Variants in CSMD3 observed in about 807,000 individuals in gnomAD.
The protein encoded by CSMD3 is CUB and Sushi multiple domains 3, also known as CUB and sushi domain-containing protein 3.
Under a neutral mutation model 435.2 loss-of-function variants are expected in CSMD3, and 177 were observed. The ratio of observed to expected loss-of-function variants is 0.41; its 90% CI spans 0.36 to 0.46. CSMD3 has a LOEUF of 0.46. Among genes scored for constraint, CSMD3 ranks in the 20% least tolerant of loss-of-function variants. The pLI is 0.34. For synonymous variants in CSMD3, 1,656 were observed against 1,520.5 expected, an observed-to-expected ratio of 1.09 and a Z score of -2.07; for missense variants, 4,265 against 4,504.6, an observed-to-expected ratio of 0.95 and a Z score of 1.52.
intron 38 of CSMD3, among the ~76,000 whole-genome samples, chr8:112,364,358 T>G (rs59994716): frequency 0.18 from 27,782 of 151,838 alleles, 3,059 homozygotes; most frequent in Middle Eastern, 0.35. Context: ...TATGGTAACA[T>G]GTACCTTTGC....
intron 7 of CSMD3, among the ~76,000 whole-genome samples, chr8:112,974,268 C>T (rs987265281): frequency 2.0e-5 from 3 of 151,636 alleles, no homozygotes; most frequent in Non-Finnish European, 4.4e-5. Flanking sequence ...ATTATTGTTC[C>T]AAGTTACATA....
intron 23 of CSMD3, among the ~76,000 whole-genome samples, chr8:112,577,436 A>G (rs1209000156): frequency 1.3e-5 from 2 of 151,868 alleles, no homozygotes; most frequent in African/African-American, 4.8e-5. Context: ...TTTATTTGAG[A>G]CTCTTAGTGC....
intron 1 of CSMD3, among the ~76,000 whole-genome samples, chr8:113,432,194 T>A (rs1188132620): frequency 6.6e-6 from 1 of 152,098 alleles, no homozygotes; most frequent in East Asian, 1.9e-4. Flanking sequence ...AAAAGGACAT[T>A]TCAGAGCGCT....
At chr8:113,208,007 C>A (rs2092790715) in intron 3 of CSMD3, among the ~76,000 whole-genome samples, 1 of 152,026 alleles carries the variant, frequency 6.6e-6, no homozygotes, top group Admixed American at 6.6e-5. Context: ...ATTTTAGAGG[C>A]CGATGGTAGA....
intron 5 of CSMD3, among the ~76,000 whole-genome samples, chr8:113,064,841 C>T (rs866457532): frequency 2.0e-5 from 3 of 152,126 alleles, no homozygotes; most frequent in South Asian, 4.1e-4. Context: ...GCCATTCTGT[C>T]TCTGAAAATA....
chr8:113,194,105 A>AT (rs2092622318), intron 3 of CSMD3, among the ~76,000 whole-genome samples: 1 of 151,382 alleles, frequency 6.6e-6, no homozygotes, highest in East Asian at 1.9e-4. Flanking sequence ...CTATACCAAA[A>AT]TATAACATTA....
intron 22 of CSMD3, among the ~76,000 whole-genome samples, chr8:112,629,066 G>GTAT (rs1374648644): frequency 6.6e-6 from 1 of 152,162 alleles, no homozygotes; most frequent in African/African-American, 2.4e-5. Context: ...AACTATTACA[G>GTAT]TAATAAGGTA....
intron 1 of CSMD3, among the ~76,000 whole-genome samples, chr8:113,390,873 T>C (rs1327726704): frequency 6.6e-6 from 1 of 151,970 alleles, no homozygotes; most frequent in Non-Finnish European, 1.5e-5. Flanking sequence ...TTTCAGACCC[T>C]ACATCTTGAA....
intron 1 of CSMD3, among the ~76,000 whole-genome samples, chr8:113,402,594 T>G (rs1164988981): frequency 1.3e-5 from 2 of 151,290 alleles, no homozygotes; most frequent in Non-Finnish European, 3.0e-5. Context: ...TCTGGCCTAA[T>G]CTTATTTAAT....
chr8:113,031,079 A>G (rs2087089469), intron 5 of CSMD3, among the ~76,000 whole-genome samples: 1 of 151,630 alleles, frequency 6.6e-6, no homozygotes, highest in African/African-American at 2.4e-5. Flanking sequence ...CTGGAGAAGA[A>G]TATCAGTCTT....
chr8:112,389,023 T>C (rs1459968064), intron 36 of CSMD3, among the ~76,000 whole-genome samples: 6 of 151,884 alleles, frequency 4.0e-5, no homozygotes, highest in Non-Finnish European at 2.9e-5. Context: ...GAGAAAAAAA[T>C]AGTCTATTAG....
chr8:113,377,864 GA>G (rs1408053813), intron 1 of CSMD3, among the ~76,000 whole-genome samples: 1 of 152,070 alleles, frequency 6.6e-6, no homozygotes, highest in Admixed American at 6.6e-5. Flanking sequence ...GCACCTGGAT[GA>G]AAAAATATTA....
chr8:113,327,079 A>C (rs192840363), intron 1 of CSMD3, among the ~76,000 whole-genome samples: 40 of 152,296 alleles, frequency 2.6e-4, no homozygotes, highest in African/African-American at 8.7e-4. Context: ...GCCACCCAAG[A>C]GCTTATATAA....
intron 10 of CSMD3, among the ~76,000 whole-genome samples, chr8:112,918,607 T>G (rs1314687942): frequency 6.6e-6 from 1 of 151,916 alleles, no homozygotes; most frequent in Non-Finnish European, 1.5e-5. Context: ...CTCCAGCTTT[T>G]GGATATCTAC....
intron 32 of CSMD3, among the ~76,000 whole-genome samples, chr8:112,427,758 AAG>A (rs1395528258): frequency 6.6e-6 from 1 of 152,144 alleles, no homozygotes; most frequent in Non-Finnish European, 1.5e-5. Context: ...TCATACATAG[AAG>A]CATTCAGGTC....
intron 3 of CSMD3, among the ~76,000 whole-genome samples, chr8:113,268,522 T>A (rs2093491727): frequency 6.6e-6 from 1 of 151,404 alleles, no homozygotes; most frequent in African/African-American, 2.4e-5. Flanking sequence ...CATTAGAAAA[T>A]TTTTCTGCAG....
At chr8:113,123,737 C>CT (rs1265510314) in intron 4 of CSMD3, among the ~76,000 whole-genome samples, 4 of 151,852 alleles carry the variant, frequency 2.6e-5, no homozygotes, top group African/African-American at 9.7e-5. Flanking sequence ...CTGAGGTATC[C>CT]TTTTTTGTGG....
intron 70 of CSMD3, among the ~76,000 whole-genome samples, chr8:112,226,104 T>C (rs4412394): frequency 0.66 from 100,193 of 151,988 alleles, 34,971 homozygotes; most frequent in African/African-American, 0.89. Flanking sequence ...TATTATTTTA[T>C]TATCACTAAT....
intron 24 of CSMD3, among the ~76,000 whole-genome samples, chr8:112,558,163 G>A (rs1828293277): frequency 6.6e-6 from 1 of 151,666 alleles, no homozygotes; most frequent in Non-Finnish European, 1.5e-5. Flanking sequence ...CTGCCCTTCT[G>A]CCACTTTCTC....
Sources: allele counts gnomAD v4.1 joint callset (sites outside exome capture counted in the v4.1 genomes callset), GRCh38; gene constraint gnomAD v4.1.1; transcripts MANE v1.5; gene names NCBI Gene and HGNC (gene_info 2026-07-23, HGNC 2026-07-21).